SART1: variants seen among roughly 807,000 people sequenced by gnomAD.
The protein encoded by SART1 is spliceosome associated factor 1, recruiter of U4/U6.U5 tri-snRNP, also known as U4/U6.U5 tri-snRNP-associated protein 1.
Under a neutral mutation model 105.0 loss-of-function variants are expected in SART1, and 28 were observed. The observed-to-expected ratio is 0.27, with a 90% confidence interval of 0.20 to 0.37. The LOEUF is 0.37. SART1 is among the 10% of genes least tolerant of loss of function. The pLI is 1.00. For missense variants in SART1, 894 were observed against 1,106.5 expected (o/e 0.81, Z 2.72); for synonymous variants, 472 against 462.9 (o/e 1.02, Z -0.25).
chr11:65,972,953 C>T (rs539645434), intron 12 of SART1, among the ~76,000 whole-genome samples: 3 of 152,090 alleles, frequency 2.0e-5, no homozygotes, highest in East Asian at 1.9e-4. Flanking sequence ...GGGCGGATCA[C>T]GAGGTCAGGA....
intron 16 of SART1, 42 bp downstream of exon 16, chr11:65,977,695 C>T: frequency 6.2e-7 from 1 of 1,613,834 alleles, no homozygotes; most frequent in Non-Finnish European, 8.5e-7. Flanking sequence ...GGGCCTGTGC[C>T]AGCTTGGAGC....
rs1855200606 is a variant in SART1, at chr11:65,964,114, C to T, written c.354C>T (p.Leu118=). Reference sequence around the variant, plus strand: ...CTAGCTCAGGCGATGCCTCCTCACTCAGCATCGAGGAGACTAAGTGAGTAC... The same window carrying T: ...CTAGCTCAGGCGATGCCTCCTCACTTAGCATCGAGGAGACTAAGTGAGTAC... ...SKTSSGDASS[L]SIEETNKLRA... The change falls in exon 2 of 20, where the codon CTC becomes CTT. Residue 118 remains leucine (L), a synonymous_variant. Coordinates refer to ENST00000312397, the MANE Select transcript of SART1 (RefSeq NM_005146.5). The T allele has an allele frequency of 1.2e-6, 2 of 1,613,022 alleles. No individual in the cohort carries two copies. The highest frequency in any genetic ancestry group is 1.7e-4 in the Middle Eastern group (1 of 6,020).
chr11:65,965,180 G>C lies in SART1; in HGVS notation c.516G>C (p.Ala172=), dbSNP rs550435. ...GAGAGGAGCTGCGGGAGAAGCTGGC[G>C]GCTGCCAAGGAGAAGCGCCTGCTGA... The part of the protein sequence containing the change: ...RQREELREKL[A]AAKEKRLLNQ... The change falls in exon 4 of 20, where the codon GCG becomes GCC. Residue 172 remains alanine, a synonymous_variant. Coordinates refer to ENST00000312397, the MANE Select transcript of SART1 (RefSeq NM_005146.5). 1 of 1,605,734 alleles carries C rather than the reference G, an allele frequency of 6.2e-7. No homozygotes were observed.
chr11:65,966,058 G>C lies in SART1; in HGVS notation c.839-18G>C, dbSNP rs778334388. On this transcript the variant is annotated intron_variant, in intron 7 of 19. Coordinates refer to ENST00000312397, the MANE Select transcript of SART1 (RefSeq NM_005146.5). ...TTGCGGACAAGTGTGAATGGCCACTGCTCTGTGCTGCCCCCAGGCGTGCTG... is the reference window on the plus strand; with the variant it reads ...TTGCGGACAAGTGTGAATGGCCACTCCTCTGTGCTGCCCCCAGGCGTGCTG... The C allele has an allele frequency of 6.2e-7, 1 of 1,613,886 alleles. No individual in the cohort carries two copies. Among genetic ancestry groups the C allele is most frequent in the Non-Finnish European group, 8.5e-7 (1 of 1,179,918 alleles).
chr11:65,976,677 C>G lies in SART1; in HGVS notation c.1768C>G (p.Arg590Gly). 1 of 1,613,656 alleles carries G rather than the reference C, an allele frequency of 6.2e-7. No homozygotes were observed. Among genetic ancestry groups the G allele is most frequent in the Non-Finnish European group, 8.5e-7 (1 of 1,179,864 alleles). ...ELMDFERDEE[R>G]SANGGSESDG... ...CCAGGACTTTGAACGGGATGAGGAG[C>G]GCTCAGCCAACGGTGGCTCCGAATC... The change falls in exon 14 of 20, where the codon CGC (arginine) becomes GGC (glycine). Residue 590 changes from arginine (R) to glycine (G), a missense_variant. Physicochemically the swap from Arg to Gly is moderately radical, Grantham distance 125. Around this residue, in one of 2 missense-constraint regions of SART1, gnomAD observed 182 missense variants for 328.3 expected, o/e 0.55. Transcript: ENST00000312397. The surrounding 1 kb of genome is among the most constrained non-coding windows in gnomAD (Gnocchi z 5.1).
At chr11:65,967,011 G>C (rs1464096011) in intron 9 of SART1, among the ~76,000 whole-genome samples, 1 of 152,114 alleles carries the variant, frequency 6.6e-6, no homozygotes, top group African/African-American at 2.4e-5. Context: ...TCTGGAGCCA[G>C]ACTGCCCAGC....
At chr11:65,963,997 T>C in intron 1 of SART1, 77 bp from the exon 2 acceptor site, 2 of 1,342,146 alleles carry the variant, frequency 1.5e-6, no homozygotes, top group South Asian at 1.2e-5. Flanking sequence ...CTCATTTTTG[T>C]TCCTGCAGCT....
chr11:65,965,021 G>C, intron 3 of SART1, 71 bp from the exon 4 acceptor site: 1 of 1,508,514 alleles, frequency 6.6e-7, no homozygotes, highest in East Asian at 2.3e-5. Context: ...GAAGGGGGCA[G>C]GGTGAGTGGC....
chr11:65,969,096 A>G (rs1019038447), intron 12 of SART1, among the ~76,000 whole-genome samples: 18 of 152,132 alleles, frequency 1.2e-4, no homozygotes, highest in African/African-American at 3.9e-4. Flanking sequence ...GACCCGGAGG[A>G]CAGGGGAGTT....
At chr11:65,962,134 G>GGGGGGGGGGGGGGGGGGGCC in intron 1 of SART1, 41 bp downstream of exon 1, 1 of 378,092 alleles carries the variant, frequency 2.6e-6, no homozygotes, top group Non-Finnish European at 4.8e-6. Flanking sequence ...GTCGGGCGGG[G>GGGGGGGGGGGGGGGGGGGCC]GTCCCGGAAC....
chr11:65,968,765 T>C (rs1307593364), intron 12 of SART1, among the ~76,000 whole-genome samples: 1 of 151,054 alleles, frequency 6.6e-6, no homozygotes, highest in East Asian at 1.9e-4. Context: ...GAGCAGAGAG[T>C]GAGGGGTGGC....
At position 65,978,911 on chromosome 11, in the gene SART1, A is replaced by G. The variant is rs2134925408; in HGVS notation, c.2381A>G (p.Asn794Ser). ...IVLSGSGKSM[N>S]ANTITK ...CTCAGCGGCAGCGGCAAGAGCATGA[A>G]CGCGTGAGTGGCTCGAGGCTGGTGG... Residue 794 changes from asparagine (N) to serine (S), a missense_variant, in exon 19 of 20, where the codon AAC (asparagine) becomes AGC (serine). Transcript: ENST00000312397. This position sits in a 1 kb window ranked among gnomAD's most constrained non-coding sequence, Gnocchi z 6.8. 1 of 1,613,588 alleles carries G rather than the reference A, an allele frequency of 6.2e-7. No individual in the cohort carries two copies. Among genetic ancestry groups the G allele is most frequent in the Non-Finnish European group, 8.5e-7 (1 of 1,179,762 alleles).
chr11:65,977,129 G>T, intron 15 of SART1, 28 bp downstream of exon 15: 1 of 1,532,926 alleles, frequency 6.5e-7, no homozygotes, highest in South Asian at 1.1e-5. Context: ...GCCATGACTT[G>T]GGTGGGCTTG....
At chr11:65,974,163 C>T (rs943014093) in intron 12 of SART1, among the ~76,000 whole-genome samples, 6 of 139,128 alleles carry the variant, frequency 4.3e-5, no homozygotes, top group African/African-American at 1.6e-4. Context: ...GAGATTGAGA[C>T]CATCCTGGCT....
Position 65,967,828 on chromosome 11 carries a change from C to T in SART1, c.1572+7C>T, listed in dbSNP as rs1855293005. ...GCGAGACAGTGGCGAGAAGGTGAGG[C>T]TGGGCATGGGCAGGGTGACTGCGTC... On this transcript the variant is annotated splice_region_variant and intron_variant, in intron 12 of 19. Transcript: ENST00000312397. 1 of 1,520,694 alleles carries T rather than the reference C, an allele frequency of 6.6e-7. No individual in the cohort carries two copies. The allele number at this position is 1,520,694 out of a possible 1,614,324, so 94.2% of individuals were successfully genotyped here.
chr11:65,966,248 G>C (rs757816096), intron 8 of SART1, 30 bp downstream of exon 8: 1 of 1,613,860 alleles, frequency 6.2e-7, no homozygotes, highest in Admixed American at 1.7e-5. Context: ...GGTGGCGGGG[G>C]CTGAGGTGGA....
chr11:65,977,998 G>A (rs1590646298), intron 17 of SART1, 99 bp downstream of exon 17: 12 of 1,326,342 alleles, frequency 9.0e-6, no homozygotes, highest in Non-Finnish European at 1.2e-5. Context: ...CCAGGGTCCT[G>A]GCTCCACCAG....
Position 65,965,375 on chromosome 11 carries a change from G to T in SART1, c.588G>T (p.Trp196Cys). The change falls in exon 5 of 20, where the codon TGG (tryptophan) becomes TGT (cysteine). Residue 196 changes from tryptophan to cysteine, a missense_variant. Coordinates refer to ENST00000312397, the MANE Select transcript of SART1 (RefSeq NM_005146.5). The stretch of plus-strand genomic sequence containing the variant: ...AGACCCTAGGAGAGGATGACCCCTG[G>T]CTGGACGACACTGCAGCCTGGATCG... ...KIKTLGEDDP[W>C]LDDTAAWIER... 6.3e-7 allele frequency: 1 copy of T among 1,587,610 alleles called. No homozygotes were observed. Among genetic ancestry groups the T allele is most frequent in the South Asian group, 1.1e-5 (1 of 87,554 alleles).
Position 65,965,085 on chromosome 11 carries a change from C to A in SART1, c.428-7C>A. Reference sequence around the variant, plus strand: ...GGCATAGCCTCACGTCTGGGCCCCCCTTCCAGAGGCGGGCACCAAGGAGGA... The same window carrying A: ...GGCATAGCCTCACGTCTGGGCCCCCATTCCAGAGGCGGGCACCAAGGAGGA... On this transcript the variant is annotated splice_region_variant and splice_polypyrimidine_tract_variant and intron_variant, in intron 3 of 19. Coordinates refer to ENST00000312397, the MANE Select transcript of SART1 (RefSeq NM_005146.5). 2.5e-6 allele frequency: 4 copies of A among 1,568,722 alleles called. No homozygotes were observed. Among genetic ancestry groups the A allele is most frequent in the Non-Finnish European group, 3.4e-6 (4 of 1,162,096 alleles).
Sources: gnomAD v4.1 joint callset for allele counts (sites outside exome capture counted in the v4.1 genomes callset) on GRCh38, gnomAD v4.1.1 for gene constraint, gnomAD v4.1.1 regional missense constraint, Gnocchi (gnomAD v3.1) non-coding constraint, MANE v1.5 for transcripts, NCBI Gene and HGNC (gene_info 2026-07-23, HGNC 2026-07-21) for gene names.